The following CD81 variants were observed in gnomAD, a reference collection of about 807,000 sequenced individuals.
The protein encoded by CD81 is CD81 molecule.
In CD81, 10 loss-of-function variants were observed where a neutral mutation model predicts 30.1. That is an observed-to-expected ratio of 0.33 (90% confidence interval 0.21 to 0.56). CD81 has a LOEUF of 0.56. Among genes scored for constraint, CD81 ranks in the 20% least tolerant of loss-of-function variants. The probability of loss-of-function intolerance (pLI) is 0.89; values close to 1 mark genes in which losing one functional copy is unlikely to be tolerated. For synonymous variants in CD81, 147 were observed against 126.4 expected (o/e 1.16, Z -1.10); for missense variants, 263 against 308.7 (o/e 0.85, Z 1.11).
At chr11:2,395,394 T>G (rs1849978610) in intron 4 of CD81, 22 bp from the exon 5 acceptor site, 2 of 1,584,874 alleles carry the variant, frequency 1.3e-6, no homozygotes, top group African/African-American at 2.7e-5. Context: ...CCCCTGTGCA[T>G]GTGACCGCAC....
rs550917482 is a variant in CD81, at chr11:2,378,489, G to T, written c.66+874G>T. On this transcript the variant is annotated intron_variant, in intron 1 of 7. Transcript: ENST00000263645. The surrounding 1 kb of genome is among the most constrained non-coding windows in gnomAD (Gnocchi z 4.9). The stretch of plus-strand genomic sequence containing the variant: ...ACGCTGGGCATCTTTGGGTGCCAGC[G>T]TGGGTGGAGGAGGGTCTTTTGCTGA... Among the ~76,000 whole-genome samples the T allele has an allele frequency of 2.6e-5, 4 of 152,362 alleles. No individual in the cohort carries two copies. The highest frequency in any genetic ancestry group is 2.9e-5 in the Non-Finnish European group (2 of 68,028).
chr11:2,394,496 A>AGGCCTGGCTGTGCCATCCAG (rs1849962290), intron 3 of CD81, among the ~76,000 whole-genome samples: 1 of 152,240 alleles, frequency 6.6e-6, no homozygotes, highest in Admixed American at 6.5e-5. Context: ...TGGGAAGCCC[A>AGGCCTGGCTGTGCCATCCAG]GGCCTGGCTG....
intron 3 of CD81, among the ~76,000 whole-genome samples, chr11:2,394,477 C>T (rs540552229): frequency 8.5e-5 from 13 of 152,374 alleles, no homozygotes; most frequent in African/African-American, 2.9e-4. Context: ...CCGGGCACAC[C>T]GCCCCCTGTG....
intron 1 of CD81, among the ~76,000 whole-genome samples, chr11:2,380,714 G>GT (rs1450611965): frequency 1.3e-5 from 2 of 152,162 alleles, no homozygotes; most frequent in African/African-American, 4.8e-5. Flanking sequence ...GGGCAGGAGA[G>GT]TTTGTGTCCC....
intron 1 of CD81, among the ~76,000 whole-genome samples, chr11:2,382,849 G>A (rs1344517123): frequency 6.6e-6 from 1 of 152,232 alleles, no homozygotes; most frequent in African/African-American, 2.4e-5. Context: ...TGATCCTGGA[G>A]CTCCTTCCCG....
intron 1 of CD81, among the ~76,000 whole-genome samples, chr11:2,379,681 G>A (rs1029488997): frequency 1.1e-4 from 16 of 152,044 alleles, no homozygotes; most frequent in Non-Finnish European, 2.2e-4. Context: ...GGCAGCTGGG[G>A]TGGAGACCTG....
rs1295901929 is a variant in CD81, at chr11:2,397,052, CAT to C, written c.*187_*188del. 4.6e-6 allele frequency: 3 copies of C among 654,852 alleles called. No homozygotes were observed. The African/African-American group carries it at 5.4e-5, about 12-fold the overall frequency. The allele number at this position is 654,852 out of a possible 1,614,324, so 40.6% of individuals were successfully genotyped here. On this transcript the variant is annotated 3_prime_UTR_variant, in exon 8 of 8. Coordinates refer to ENST00000263645, the MANE Select transcript of CD81 (RefSeq NM_004356.4). Reference sequence around the variant, plus strand: ...TGTTACCTTTTCAGGGCTGACGTCACATGTAGGTGGCGTGTATGAGTGGAGAC... The same window carrying C: ...TGTTACCTTTTCAGGGCTGACGTCACGTAGGTGGCGTGTATGAGTGGAGAC...
chr11:2,379,445 G>GGGGGGGGTGAGGGAGGGTGTGGACC (rs1849666059), intron 1 of CD81, among the ~76,000 whole-genome samples: 2 of 146,776 alleles, frequency 1.4e-5, no homozygotes, highest in Non-Finnish European at 3.0e-5. Context: ...GGACCTGGGG[G>GGGGGGGGTGAGGGAGGGTGTGGACC]TGGGGGTTGA....
intron 2 of CD81, chr11:2,393,262 C>T (rs988482468): frequency 6.6e-6 from 1 of 152,668 alleles, no homozygotes; most frequent in South Asian, 2.1e-4. Context: ...TGACAGCTGT[C>T]CCGCGGGTAC....
intron 1 of CD81, chr11:2,385,836 G>T: frequency 1.7e-6 from 1 of 599,152 alleles, no homozygotes; most frequent in South Asian, 1.6e-5. Context: ...GTTTCAGTTT[G>T]GGGCATTTAC....
chr11:2,386,555 C>T (rs778292001), intron 1 of CD81: 2 of 717,230 alleles, frequency 2.8e-6, no homozygotes, highest in Non-Finnish European at 5.2e-6. Flanking sequence ...TGTCACCTAG[C>T]TCCAGCTCAA....
chr11:2,381,727 C>T (rs1421996686), intron 1 of CD81, among the ~76,000 whole-genome samples: 1 of 152,184 alleles, frequency 6.6e-6, no homozygotes, highest in Non-Finnish European at 1.5e-5. Context: ...GGCCCCGTGT[C>T]CCTGTGATCC....
chr11:2,396,735 G>A, intron 7 of CD81, 21 bp downstream of exon 7: 2 of 1,611,588 alleles, frequency 1.2e-6, no homozygotes, highest in East Asian at 2.2e-5. Flanking sequence ...GGGGGCGGAG[G>A]GCCTGCTCTC....
At chr11:2,380,261 G>C (rs1044324836) in intron 1 of CD81, among the ~76,000 whole-genome samples, 2 of 152,128 alleles carry the variant, frequency 1.3e-5, no homozygotes, top group African/African-American at 4.8e-5. Flanking sequence ...GGGGAGGCTG[G>C]TGGGGAGGAG....
intron 4 of CD81, 35 bp downstream of exon 4, chr11:2,395,081 G>T: frequency 1.3e-6 from 2 of 1,552,770 alleles, no homozygotes; most frequent in Non-Finnish European, 8.9e-7. Flanking sequence ...GGTGGGGTGG[G>T]TGACGGGGGC....
At chr11:2,395,111 G>C in intron 4 of CD81, 65 bp downstream of exon 4, 1 of 1,381,038 alleles carries the variant, frequency 7.2e-7, no homozygotes, top group Non-Finnish European at 1.0e-6. Flanking sequence ...TCCTGTCGCG[G>C]GTGGGGGTTG....
chr11:2,376,911 A>C (rs1745341184), upstream of CD81: 1 of 152,290 alleles, frequency 6.6e-6, no homozygotes, highest in Non-Finnish European at 1.5e-5. Flanking sequence ...GCCCTCCCGG[A>C]TTGTCCAAGG....
intron 3 of CD81, among the ~76,000 whole-genome samples, 174 bp downstream of exon 3, chr11:2,394,366 C>T (rs185653792): frequency 2.1e-3 from 314 of 152,320 alleles, no homozygotes; most frequent in Non-Finnish European, 3.6e-3. Flanking sequence ...CGTGCTTGGT[C>T]TCCATCGTGG....
chr11:2,388,732 G>C (rs1849841543), intron 1 of CD81, among the ~76,000 whole-genome samples: 1 of 151,864 alleles, frequency 6.6e-6, no homozygotes, highest in African/African-American at 2.4e-5. Context: ...TGCCCTCGTG[G>C]CCCCCCCCGG....
Sources: allele counts gnomAD v4.1 joint callset (sites outside exome capture counted in the v4.1 genomes callset), GRCh38; gene constraint gnomAD v4.1.1; non-coding constraint Gnocchi (gnomAD v3.1); transcripts MANE v1.5; gene names NCBI Gene and HGNC (gene_info 2026-07-23, HGNC 2026-07-21).